Variants in MCPH1 observed in about 807,000 individuals in gnomAD.
MCPH1 encodes the protein microcephalin.
A neutral mutation model predicts 84.5 loss-of-function variants in MCPH1; 104 were observed. The ratio of observed to expected loss-of-function variants is 1.23; its 90% CI spans 1.05 to 1.45. MCPH1 has a LOEUF of 1.45. Ranked by LOEUF, MCPH1 falls within the 40% of genes most tolerant of loss-of-function variation. MCPH1 has a pLI of 0.00. For missense variants in MCPH1, 1,498 were observed against 1,005.7 expected, an observed-to-expected ratio of 1.49 and a Z score of -6.62; for synonymous variants, 514 against 366.8, an observed-to-expected ratio of 1.40 and a Z score of -4.58.
intron 12 of MCPH1, among the ~76,000 whole-genome samples, chr8:6,555,007 G>A (rs536926779): frequency 6.6e-6 from 1 of 152,328 alleles, no homozygotes; most frequent in South Asian, 2.1e-4. Context: ...AGTCCAGGCA[G>A]TGGTAGGCAG....
chr8:6,557,353 C>T (rs2959766), intron 12 of MCPH1, among the ~76,000 whole-genome samples: 2,606 of 152,162 alleles, frequency 0.017, 76 homozygotes, highest in African/African-American at 0.056. Context: ...GAGATATTCT[C>T]GGGGCAAAAT....
chr8:6,570,930 A>C (rs2129576461), intron 12 of MCPH1, among the ~76,000 whole-genome samples: 1 of 151,624 alleles, frequency 6.6e-6, no homozygotes, highest in Admixed American at 6.6e-5. Context: ...TGTACATCAT[A>C]TGGAACCTTA....
intron 12 of MCPH1, among the ~76,000 whole-genome samples, chr8:6,527,940 G>C (rs1356523293): frequency 7.0e-6 from 1 of 143,570 alleles, no homozygotes; most frequent in Non-Finnish European, 1.5e-5. Flanking sequence ...CCATTGCCCG[G>C]GGTGGAGTGC....
chr8:6,443,328 C>G (rs1237894032), intron 7 of MCPH1, among the ~76,000 whole-genome samples: 1 of 150,756 alleles, frequency 6.6e-6, no homozygotes, highest in Admixed American at 6.6e-5. Context: ...ATTTTAGGTG[C>G]TGAATAAGAT....
chr8:6,619,733 C>T (rs1831212914), intron 12 of MCPH1, among the ~76,000 whole-genome samples: 1 of 152,112 alleles, frequency 6.6e-6, no homozygotes, highest in Admixed American at 6.5e-5. Context: ...TACAGGTGCC[C>T]ACCACCACGC....
chr8:6,484,478 T>C (rs1809614351), intron 11 of MCPH1, among the ~76,000 whole-genome samples: 1 of 152,222 alleles, frequency 6.6e-6, no homozygotes. Flanking sequence ...GTTTGACAGT[T>C]TCACAGAAAG....
At chr8:6,566,390 G>T (rs2167072) in intron 12 of MCPH1, among the ~76,000 whole-genome samples, 18,555 of 151,428 alleles carry the variant, frequency 0.12, 1,290 homozygotes, top group African/African-American at 0.2. Flanking sequence ...CAACCACCGT[G>T]TGTGGTCAGC....
At chr8:6,415,554 A>T (rs980720036) in intron 3 of MCPH1, among the ~76,000 whole-genome samples, 7 of 151,894 alleles carry the variant, frequency 4.6e-5, no homozygotes, top group Non-Finnish European at 1.0e-4. Flanking sequence ...GGGTTTTATC[A>T]TGTTGGCCAG....
At chr8:6,590,567 T>C (rs1409171321) in intron 12 of MCPH1, among the ~76,000 whole-genome samples, 1 of 152,204 alleles carries the variant, frequency 6.6e-6, no homozygotes, top group Non-Finnish European at 1.5e-5. Flanking sequence ...TGGAATCTGG[T>C]TCTAAAAACC....
intron 13 of MCPH1, chr8:6,625,541 A>C (rs547203891): frequency 1.9e-6 from 1 of 537,608 alleles, no homozygotes; most frequent in South Asian, 8.1e-5. Context: ...TGTTTAAATA[A>C]ATTAAATTAT....
chr8:6,491,641 A>C (rs544319002), intron 11 of MCPH1, among the ~76,000 whole-genome samples: 3 of 151,494 alleles, frequency 2.0e-5, no homozygotes, highest in African/African-American at 4.9e-5. Flanking sequence ...CGACCCCACA[A>C]CAGGCCCTGG....
chr8:6,488,930 C>T (rs1810257602), intron 11 of MCPH1, among the ~76,000 whole-genome samples: 1 of 151,880 alleles, frequency 6.6e-6, no homozygotes. Flanking sequence ...GGCGCCCTTC[C>T]TAGGAAGATC....
In MCPH1 at chr8:6,514,897, A is replaced by G. The variant is rs148651932; in HGVS notation, c.2214+14968A>G. ...CTCAGCCGAGAGGGTTCTCTGGGAT[A>G]TAAGGCACGGAGTAGACCATCGGGG... On this transcript the variant is annotated intron_variant, in intron 12 of 13. Transcript: ENST00000344683. 4.2e-4 allele frequency: 320 copies of G among 765,430 alleles called. 1 individual carries two copies. The African/African-American group carries it at 5.0e-3, about 12-fold the overall frequency. 47.4% of individuals were successfully genotyped at this position (765,430 alleles called of 1,614,324 possible). A position where few individuals can be genotyped will look rare whatever the true frequency, so the allele number is the denominator to read the frequency against.
Position 6,456,910 on chromosome 8 carries a change from T to G in MCPH1, c.1935+1658T>G, listed in dbSNP as rs566526330. On this transcript the variant is annotated intron_variant, in intron 9 of 13. Transcript: ENST00000344683. ...GGCGGGAGTGTGGCCCCTTCTTCCT[T>G]ATGAGGCATCTCACTGTAAATGGCA... Among the ~76,000 whole-genome samples the G allele has an allele frequency of 2.6e-5, 4 of 152,246 alleles. No individual in the cohort carries two copies. In the South Asian group the frequency reaches 8.3e-4, roughly 32 times the overall value.
chr8:6,539,319 T>C (rs916654889), intron 12 of MCPH1, among the ~76,000 whole-genome samples: 3 of 152,240 alleles, frequency 2.0e-5, no homozygotes, highest in Admixed American at 6.5e-5. Context: ...CCAAAGCTAC[T>C]TGCCATCTGT....
At chr8:6,594,842 G>C (rs901839938) in intron 12 of MCPH1, among the ~76,000 whole-genome samples, 35 of 152,166 alleles carry the variant, frequency 2.3e-4, no homozygotes, top group Admixed American at 9.2e-4. Flanking sequence ...CCTGCCCTCG[G>C]GGTCAGAGCA....
intron 12 of MCPH1, among the ~76,000 whole-genome samples, chr8:6,602,090 A>T (rs189009811): frequency 1.3e-5 from 2 of 152,278 alleles, no homozygotes; most frequent in East Asian, 3.9e-4. Flanking sequence ...AAACTTCCTG[A>T]GTTTAAATGG....
intron 13 of MCPH1, among the ~76,000 whole-genome samples, chr8:6,631,422 A>G (rs540004067): frequency 2.9e-4 from 44 of 152,312 alleles, no homozygotes; most frequent in African/African-American, 9.9e-4. Context: ...ATTTGCAAAT[A>G]ACGGGTTAAT....
chr8:6,452,295 G>A (rs1180025426), intron 8 of MCPH1, among the ~76,000 whole-genome samples: 3 of 152,308 alleles, frequency 2.0e-5, no homozygotes, highest in African/African-American at 7.2e-5. Context: ...GTGAGTGAGT[G>A]ATCATTTACT....
Sources: gnomAD v4.1 joint callset for allele counts (sites outside exome capture counted in the v4.1 genomes callset) on GRCh38, gnomAD v4.1.1 for gene constraint, MANE v1.5 for transcripts, NCBI Gene and HGNC (gene_info 2026-07-23, HGNC 2026-07-21) for gene names.